The following ARHGEF7 variants were observed in gnomAD, a reference collection of about 807,000 sequenced individuals.
ARHGEF7 encodes PAK-interacting exchange factor beta.
Under a neutral mutation model 109.8 loss-of-function variants are expected in ARHGEF7, and 33 were observed. The observed-to-expected ratio is 0.30, with a 90% CI of 0.23 to 0.40. The LOEUF (loss-of-function observed/expected upper bound fraction) is 0.40, where lower values mean the gene tolerates loss of function less well. Ranked by LOEUF, ARHGEF7 falls within the 10% of genes least tolerant of loss-of-function variation. The pLI, the probability that ARHGEF7 is intolerant of heterozygous loss-of-function variation, is 1.00. For synonymous variants in ARHGEF7, 458 were observed against 424.6 expected (o/e 1.08, Z -0.97); for missense variants, 938 against 1,098.5 (o/e 0.85, Z 2.07).
chr13:111,242,136 G>A (rs5021963), intron 6 of ARHGEF7, among the ~76,000 whole-genome samples: 1 of 152,144 alleles, frequency 6.6e-6, no homozygotes, highest in East Asian at 1.9e-4. Context: ...CCCTCGCTCT[G>A]GCTCTCCCAC....
intron 8 of ARHGEF7, among the ~76,000 whole-genome samples, chr13:111,252,602 G>C (rs2089917409): frequency 6.6e-6 from 1 of 152,242 alleles, no homozygotes; most frequent in Non-Finnish European, 1.5e-5. Context: ...GGCAGCTCAT[G>C]TCTGTCTGAT....
chr13:111,210,061 A>G, intron 4 of ARHGEF7, 59 bp downstream of exon 4: 1 of 1,604,392 alleles, frequency 6.2e-7, no homozygotes. Context: ...GTGTGTATGG[A>G]TATATCTGAG....
chr13:111,230,127 C>T (rs754811515), intron 5 of ARHGEF7, among the ~76,000 whole-genome samples: 79 of 152,004 alleles, frequency 5.2e-4, no homozygotes, highest in African/African-American at 1.5e-3. Context: ...TTCTTTTACA[C>T]GTCTATATTT....
intron 8 of ARHGEF7, among the ~76,000 whole-genome samples, chr13:111,246,836 T>C (rs1035126643): frequency 6.6e-6 from 1 of 152,226 alleles, no homozygotes; most frequent in Non-Finnish European, 1.5e-5. Flanking sequence ...TCTAACAAAT[T>C]ATTACAGTAT....
intron 2 of ARHGEF7, among the ~76,000 whole-genome samples, chr13:111,190,460 G>A (rs1337885880): frequency 3.9e-5 from 6 of 152,196 alleles, no homozygotes; most frequent in African/African-American, 1.4e-4. Flanking sequence ...CTAGGCCTCG[G>A]TGGTTTTGGA....
rs1470280254 is a variant in ARHGEF7 at position 111,288,451 on chromosome 13, T to C, written c.2134+8T>C. The C allele has an allele frequency of 6.0e-5, 97 of 1,603,436 alleles. No individual in the cohort carries two copies. The highest frequency in any genetic ancestry group is 8.3e-5 in the Admixed American group (5 of 59,976). ...GGCAAACACTCAATTCAAGTAAGTT[T>C]AGCAATAAGGCCTGGGAAGTGTGGT... is the stretch of plus-strand genomic sequence containing the variant. On this transcript the variant is annotated splice_region_variant and intron_variant, in intron 18 of 21. Coordinates refer to ENST00000646102, the MANE Select transcript of ARHGEF7 (RefSeq NM_001354046.2).
At chr13:111,236,289 G>C (rs1317909989) in intron 6 of ARHGEF7, among the ~76,000 whole-genome samples, 3 of 152,138 alleles carry the variant, frequency 2.0e-5, no homozygotes, top group Non-Finnish European at 4.4e-5. Flanking sequence ...CAGCTGCTTT[G>C]AAACCTTTAT....
At chr13:111,262,636 A>G (rs541207516) in intron 8 of ARHGEF7, among the ~76,000 whole-genome samples, 1 of 152,308 alleles carries the variant, frequency 6.6e-6, no homozygotes, top group East Asian at 1.9e-4. Flanking sequence ...CTGTCTAGTT[A>G]GCAGTATCAC....
chr13:111,200,922 G>T (rs529125091), intron 2 of ARHGEF7, among the ~76,000 whole-genome samples: 12 of 152,272 alleles, frequency 7.9e-5, no homozygotes, highest in Admixed American at 3.9e-4. Context: ...GTTCAGTGAA[G>T]ACATGGTAAA....
intron 2 of ARHGEF7, among the ~76,000 whole-genome samples, chr13:111,156,860 G>C (rs1263766911): frequency 1.3e-5 from 2 of 152,216 alleles, no homozygotes; most frequent in Non-Finnish European, 1.5e-5. Context: ...ATTAGCTTTT[G>C]TTCTATAGTT....
intron 2 of ARHGEF7, among the ~76,000 whole-genome samples, chr13:111,161,499 C>G (rs1324568966): frequency 6.6e-6 from 1 of 152,148 alleles, no homozygotes. Flanking sequence ...TAAATTCATG[C>G]AAAACTCTTA....
intron 1 of ARHGEF7, among the ~76,000 whole-genome samples, chr13:111,147,690 CTTT>C (rs11463808): frequency 8.5e-5 from 7 of 82,394 alleles, no homozygotes; most frequent in East Asian, 3.2e-4. Flanking sequence ...CAGAGGTCAC[CTTT>C]TTTTTTTTTT....
At chr13:111,215,519 C>A (rs2083020251) in intron 4 of ARHGEF7, among the ~76,000 whole-genome samples, 1 of 152,098 alleles carries the variant, frequency 6.6e-6, no homozygotes, top group South Asian at 2.1e-4. Flanking sequence ...ACCCTGGTTT[C>A]ACTGAGATCG....
chr13:111,301,503 T>G lies in ARHGEF7; in HGVS notation c.2437T>G (p.Leu813Val). Reference protein sequence around the residue: ...EKSLVDTVYALKDEVQELRQD... With the variant: ...EKSLVDTVYAVKDEVQELRQD... ...GAGTCTTGTGGATACCGTATATGCA[T>G]TAAAGGATGAAGTTCAAGAATTAAG... Residue 813 changes from leucine to valine, a missense_variant, in exon 21 of 22, where the codon TTA becomes GTA. By Grantham distance (32) the Leu-to-Val change is conservative. Coordinates refer to ENST00000646102, the MANE Select transcript of ARHGEF7 (RefSeq NM_001354046.2). 1 of 1,613,180 alleles carries G rather than the reference T, an allele frequency of 6.2e-7. No homozygotes were observed. The highest frequency in any genetic ancestry group is 8.5e-7 in the Non-Finnish European group (1 of 1,179,254).
intron 2 of ARHGEF7, among the ~76,000 whole-genome samples, chr13:111,192,799 T>G (rs376492325): frequency 6.6e-6 from 1 of 152,346 alleles, no homozygotes; most frequent in African/African-American, 2.4e-5. Context: ...CTAGGAATTA[T>G]TTCATGAATT....
chr13:111,183,444 T>C (rs1389878926), intron 2 of ARHGEF7, among the ~76,000 whole-genome samples: 1 of 152,196 alleles, frequency 6.6e-6, no homozygotes, highest in African/African-American at 2.4e-5. Context: ...TTTGATTCTT[T>C]GGATGTTTTT....
chr13:111,156,991 A>C (rs187488271), intron 2 of ARHGEF7, among the ~76,000 whole-genome samples: 33 of 152,352 alleles, frequency 2.2e-4, no homozygotes, highest in African/African-American at 6.7e-4. Flanking sequence ...AGATTTGTTA[A>C]AGGGAAAAAG....
intron 2 of ARHGEF7, among the ~76,000 whole-genome samples, chr13:111,164,873 G>T (rs1168565461): frequency 6.6e-6 from 1 of 150,474 alleles, no homozygotes; most frequent in Non-Finnish European, 1.5e-5. Flanking sequence ...AAGATAATTT[G>T]TTGTCTCTCA....
intron 6 of ARHGEF7, 145 bp from the exon 7 acceptor site, chr13:111,243,727 A>AATG (rs1275941520): frequency 3.3e-6 from 2 of 600,190 alleles, no homozygotes; most frequent in Admixed American, 3.4e-5. Context: ...AATTGCAAAG[A>AATG]ATGATGATGA....
Sources: allele counts gnomAD v4.1 joint callset (sites outside exome capture counted in the v4.1 genomes callset), GRCh38; gene constraint gnomAD v4.1.1; transcripts MANE v1.5; gene names NCBI Gene and HGNC (gene_info 2026-07-23, HGNC 2026-07-21).